The following PRKN variants were observed in gnomAD, a reference collection of about 807,000 sequenced individuals.
The protein encoded by PRKN is parkin RBR E3 ubiquitin protein ligase.
A neutral mutation model predicts 59.5 loss-of-function variants in PRKN; 56 were observed. The observed-to-expected ratio is 0.94, with a 90% CI of 0.76 to 1.18. The LOEUF is 1.18. Among genes scored for constraint, PRKN ranks in the 50% most tolerant of loss-of-function variants. PRKN has a pLI of 0.00. For synonymous variants in PRKN, 250 were observed against 222.1 expected, an observed-to-expected ratio of 1.13 and a Z score of -1.12; for missense variants, 657 against 596.4, an observed-to-expected ratio of 1.10 and a Z score of -1.06.
intron 8 of PRKN, among the ~76,000 whole-genome samples, chr6:161,553,508 C>A (rs1055106743): frequency 6.6e-6 from 1 of 152,022 alleles, no homozygotes; most frequent in Non-Finnish European, 1.5e-5. Flanking sequence ...TTTTGTACTT[C>A]TATCAGGAAG....
At chr6:162,421,283 C>A (rs1583545991) in intron 2 of PRKN, among the ~76,000 whole-genome samples, 1 of 108,098 alleles carries the variant, frequency 9.3e-6, no homozygotes. Flanking sequence ...AACATTATTA[C>A]CCTCACAGCG....
At position 161,549,044 on chromosome 6, in the gene PRKN, G is replaced by C. The variant is rs1439507397; in HGVS notation, c.934-41C>G. 1 of 1,612,166 alleles carries C rather than the reference G, an allele frequency of 6.2e-7. No individual in the cohort carries two copies. Among genetic ancestry groups the C allele is most frequent in the South Asian group, 1.1e-5 (1 of 91,026 alleles). On this transcript the variant is annotated intron_variant, in intron 8 of 11. Transcript: ENST00000366898. This position sits in a 1 kb window ranked among gnomAD's most constrained non-coding sequence, Gnocchi z 6.0. ...AGCAGATTGAGCTTTCAAACTGACT[G>C]CAAATTTCAGCCAAAGGGTTAGGAG...
At chr6:161,885,128 G>T (rs1036805638) in intron 6 of PRKN, among the ~76,000 whole-genome samples, 4 of 114,094 alleles carry the variant, frequency 3.5e-5, no homozygotes, top group African/African-American at 1.4e-4. Context: ...AAAGAAAGAA[G>T]AAAAACTAAA....
At chr6:162,653,988 T>C (rs1442994240) in intron 1 of PRKN, among the ~76,000 whole-genome samples, 1 of 152,186 alleles carries the variant, frequency 6.6e-6, no homozygotes, top group Non-Finnish European at 1.5e-5. Flanking sequence ...GGCACTCTTT[T>C]TGAAGGCAGA....
rs1213751855 is a variant in PRKN, at chr6:161,349,177, C to A, written c.*922G>T. On this transcript the variant is annotated 3_prime_UTR_variant, in exon 12 of 12. Coordinates refer to ENST00000366898, the MANE Select transcript of PRKN (RefSeq NM_004562.3). This position sits in a 1 kb window ranked among gnomAD's most constrained non-coding sequence, Gnocchi z 5.5. ...TTAAGATTGAATATCATTTTGAAAT[C>A]ATTTCTAAACGTGTTTCCTTTATAG... 2.3e-5 allele frequency: 5 copies of A among 221,424 alleles called. No homozygotes were observed. The highest frequency in any genetic ancestry group is 1.1e-4 in the African/African-American group (5 of 44,662). 13.7% of individuals were successfully genotyped at this position (221,424 alleles called of 1,614,324 possible). A position where few individuals can be genotyped will look rare whatever the true frequency, so the allele number is the denominator to read the frequency against.
At chr6:162,403,440 C>A (rs938032220) in intron 2 of PRKN, among the ~76,000 whole-genome samples, 2 of 152,134 alleles carry the variant, frequency 1.3e-5, no homozygotes, top group Admixed American at 6.5e-5. Context: ...CTATCCCCAG[C>A]GAGTTTTATT....
intron 4 of PRKN, among the ~76,000 whole-genome samples, chr6:162,144,968 C>G (rs995804280): frequency 7.2e-5 from 11 of 152,138 alleles, no homozygotes; most frequent in African/African-American, 1.9e-4. Context: ...AGAACTTAAT[C>G]AAGGATTCAG....
intron 1 of PRKN, among the ~76,000 whole-genome samples, chr6:162,447,389 G>T (rs12193308): frequency 0.55 from 83,013 of 151,690 alleles, 23,650 homozygotes; most frequent in East Asian, 0.7. Flanking sequence ...AATTACATAT[G>T]AAAAGCTTGG....
intron 9 of PRKN, among the ~76,000 whole-genome samples, chr6:161,404,256 C>T (rs1023611220): frequency 1.3e-5 from 2 of 152,080 alleles, no homozygotes; most frequent in Non-Finnish European, 2.9e-5. Context: ...AAGTACTTGG[C>T]CCTGAGTAGG....
intron 1 of PRKN, among the ~76,000 whole-genome samples, chr6:162,675,040 A>G (rs1047051569): frequency 6.6e-6 from 1 of 150,950 alleles, no homozygotes. Flanking sequence ...TTATTTATTT[A>G]TTTATTTATT....
chr6:161,878,108 T>TTC (rs1794803476), intron 6 of PRKN, among the ~76,000 whole-genome samples: 1 of 152,162 alleles, frequency 6.6e-6, no homozygotes, highest in African/African-American at 2.4e-5. Flanking sequence ...TGGAGGGAGC[T>TTC]ATGAAGCTAG....
chr6:162,155,369 A>C (rs1174624319), intron 4 of PRKN, among the ~76,000 whole-genome samples: 1 of 152,202 alleles, frequency 6.6e-6, no homozygotes, highest in Non-Finnish European at 1.5e-5. Flanking sequence ...GATTCGTCTA[A>C]TACAAGTTTA....
At chr6:161,389,213 G>T (rs1786398854) in intron 9 of PRKN, among the ~76,000 whole-genome samples, 1 of 152,080 alleles carries the variant, frequency 6.6e-6, no homozygotes, top group African/African-American at 2.4e-5. Flanking sequence ...CCTTCATGTT[G>T]TCTTCACCAT....
intron 2 of PRKN, among the ~76,000 whole-genome samples, chr6:162,273,755 T>C (rs1335280929): frequency 2.0e-5 from 3 of 152,154 alleles, no homozygotes; most frequent in Admixed American, 6.5e-5. Flanking sequence ...TATCCAGAAG[T>C]TGCAGAATAA....
intron 2 of PRKN, among the ~76,000 whole-genome samples, chr6:162,334,863 A>G (rs1783761000): frequency 6.6e-6 from 1 of 152,336 alleles, no homozygotes; most frequent in Admixed American, 6.5e-5. Context: ...TTTGGATTCC[A>G]TCTTTCAATG....
intron 4 of PRKN, among the ~76,000 whole-genome samples, chr6:162,144,379 G>T (rs1210535283): frequency 1.3e-5 from 2 of 152,170 alleles, no homozygotes; most frequent in African/African-American, 4.8e-5. Context: ...CTTTGTAGAG[G>T]TGCTCAAAGT....
chr6:162,556,403 G>GTGTGTGTC (rs1403886252), intron 1 of PRKN, among the ~76,000 whole-genome samples: 2 of 139,434 alleles, frequency 1.4e-5, no homozygotes, highest in African/African-American at 2.6e-5. Flanking sequence ...GTGTGTGTGT[G>GTGTGTGTC]TCAGTTTGGC....
At chr6:162,130,080 C>G (rs556224563) in intron 4 of PRKN, among the ~76,000 whole-genome samples, 1 of 152,200 alleles carries the variant, frequency 6.6e-6, no homozygotes, top group Admixed American at 6.5e-5. Flanking sequence ...AAGGCTCCAT[C>G]TTATTGTACA....
chr6:162,214,636 C>G (rs1210391694), intron 3 of PRKN, among the ~76,000 whole-genome samples: 1 of 152,094 alleles, frequency 6.6e-6, no homozygotes, highest in Admixed American at 6.5e-5. Flanking sequence ...AGACTTTTAT[C>G]CAGTACATAT....
Sources: allele counts gnomAD v4.1 joint callset (sites outside exome capture counted in the v4.1 genomes callset), GRCh38; gene constraint gnomAD v4.1.1; non-coding constraint Gnocchi (gnomAD v3.1); transcripts MANE v1.5; gene names NCBI Gene and HGNC (gene_info 2026-07-23, HGNC 2026-07-21).